NRG3: variants seen among roughly 807,000 people sequenced by gnomAD.
The protein encoded by NRG3 is neuregulin 3.
A neutral mutation model predicts 66.9 loss-of-function variants in NRG3; 31 were observed. The ratio of observed to expected loss-of-function variants is 0.46; its 90% CI spans 0.35 to 0.63. NRG3 has a LOEUF of 0.63. Ranked by LOEUF, NRG3 falls within the 20% of genes least tolerant of loss-of-function variation. NRG3 has a pLI of 0.00. For synonymous variants in NRG3, 393 were observed against 359.4 expected, an observed-to-expected ratio of 1.09 and a Z score of -1.06; for missense variants, 910 against 878.9, an observed-to-expected ratio of 1.04 and a Z score of -0.45.
At chr10:82,971,979 C>T (rs1367387856) in intron 6 of NRG3, among the ~76,000 whole-genome samples, 2 of 152,042 alleles carry the variant, frequency 1.3e-5, no homozygotes, top group African/African-American at 4.8e-5. Flanking sequence ...TTTAAATTAG[C>T]TCTTTCAGAA....
At chr10:82,532,601 A>T (rs1735213549) in intron 2 of NRG3, among the ~76,000 whole-genome samples, 1 of 148,126 alleles carries the variant, frequency 6.8e-6, no homozygotes, top group Non-Finnish European at 1.5e-5. Flanking sequence ...ATATATGTAT[A>T]TATGTATATA....
intron 6 of NRG3, among the ~76,000 whole-genome samples, chr10:82,968,993 G>A (rs142508675): frequency 6.6e-6 from 1 of 152,148 alleles, no homozygotes; most frequent in African/African-American, 2.4e-5. Flanking sequence ...GATCTCATGA[G>A]ACTTATTCAC....
Position 82,533,782 on chromosome 10 carries a change from G to C in NRG3, c.953+174914G>C, listed in dbSNP as rs1185764313. On this transcript the variant is annotated intron_variant, in intron 2 of 8. Coordinates refer to ENST00000372141, the MANE Select transcript of NRG3 (RefSeq NM_001010848.4). ...AAAGAAATGAAAGGCATCCAAACAG[G>C]AAGGGAAGATGTAAAATTGTGCCTG... 2.6e-5 allele frequency among the ~76,000 whole-genome samples: 4 copies of C among 152,238 alleles called. No individual in the cohort carries two copies. The South Asian group carries it at 6.2e-4, about 24-fold the overall frequency.
intron 2 of NRG3, among the ~76,000 whole-genome samples, chr10:82,543,470 T>C (rs936425524): frequency 2.0e-5 from 3 of 152,200 alleles, no homozygotes; most frequent in Non-Finnish European, 4.4e-5. Flanking sequence ...TCTGTCCATG[T>C]ATCTATCCAC....
At chr10:82,917,572 C>T (rs1291647089) in intron 4 of NRG3, among the ~76,000 whole-genome samples, 3 of 152,082 alleles carry the variant, frequency 2.0e-5, no homozygotes. Flanking sequence ...TGGTGCCTGT[C>T]CTTTCCCATT....
At chr10:82,834,620 A>G (rs915329469) in intron 3 of NRG3, among the ~76,000 whole-genome samples, 3 of 152,188 alleles carry the variant, frequency 2.0e-5, no homozygotes, top group African/African-American at 7.2e-5. Flanking sequence ...TCTGTCCTGG[A>G]TGGTCTTTAT....
chr10:82,406,821 G>T (rs147898272), intron 2 of NRG3, among the ~76,000 whole-genome samples: 2 of 151,962 alleles, frequency 1.3e-5, no homozygotes, highest in Non-Finnish European at 2.9e-5. Context: ...GACAGGTACC[G>T]TTTTCCTCTA....
intron 1 of NRG3, among the ~76,000 whole-genome samples, chr10:81,906,038 C>G (rs1246761115): frequency 6.6e-6 from 1 of 152,132 alleles, no homozygotes; most frequent in Non-Finnish European, 1.5e-5. Context: ...TCTAGGTATT[C>G]TTTGTCTTAG....
intron 3 of NRG3, among the ~76,000 whole-genome samples, chr10:82,816,140 G>A (rs561008208): frequency 2.0e-5 from 3 of 152,360 alleles, no homozygotes; most frequent in South Asian, 4.1e-4. Context: ...AACGGCCACA[G>A]CTCTTCTCTC....
rs532275527 is a variant in NRG3, at chr10:82,571,937, A to G, written c.954-166640A>G. Among the ~76,000 whole-genome samples the G allele has an allele frequency of 1.1e-4, 16 of 151,816 alleles. 1 individual carries two copies. In the Middle Eastern group the frequency reaches 0.02, roughly 194 times the overall value. ...AATACCTTTGGGGAGGAGTGCAGTT[A>G]GGAAGTAAGGGAGGTAATAACTCTT... On this transcript the variant is annotated intron_variant, in intron 2 of 8. Coordinates refer to ENST00000372141, the MANE Select transcript of NRG3 (RefSeq NM_001010848.4).
At chr10:82,372,985 T>G (rs928922517) in intron 2 of NRG3, among the ~76,000 whole-genome samples, 4 of 152,226 alleles carry the variant, frequency 2.6e-5, no homozygotes, top group Admixed American at 6.5e-5. Context: ...CGTTGACCAC[T>G]GATCATTGTT....
At chr10:81,988,574 C>G (rs894221427) in intron 1 of NRG3, among the ~76,000 whole-genome samples, 2 of 152,128 alleles carry the variant, frequency 1.3e-5, no homozygotes, top group African/African-American at 4.8e-5. Context: ...ATACATTGAG[C>G]TCAGCTTGTC....
At chr10:81,977,171 C>A (rs752864297) in intron 1 of NRG3, among the ~76,000 whole-genome samples, 7 of 152,102 alleles carry the variant, frequency 4.6e-5, no homozygotes, top group African/African-American at 1.7e-4. Context: ...TGGTGACTTC[C>A]CAGATTGAAT....
intron 1 of NRG3, among the ~76,000 whole-genome samples, chr10:82,165,585 A>G (rs776243093): frequency 6.6e-6 from 1 of 151,876 alleles, no homozygotes; most frequent in Non-Finnish European, 1.5e-5. Context: ...TTTTTTCCTC[A>G]TTGTAAAAAC....
intron 1 of NRG3, among the ~76,000 whole-genome samples, chr10:81,937,762 T>A (rs1044571158): frequency 5.3e-5 from 8 of 152,150 alleles, no homozygotes; most frequent in Admixed American, 2.6e-4. Context: ...TAATCCCATT[T>A]GTCTGTTTTA....
At chr10:82,331,378 T>C (rs2082127079) in intron 1 of NRG3, among the ~76,000 whole-genome samples, 1 of 152,196 alleles carries the variant, frequency 6.6e-6, no homozygotes, top group African/African-American at 2.4e-5. Flanking sequence ...TGATATTTTC[T>C]GGACCACACT....
At chr10:82,657,915 A>AG (rs2052006422) in intron 2 of NRG3, among the ~76,000 whole-genome samples, 1 of 151,682 alleles carries the variant, frequency 6.6e-6, no homozygotes, top group Non-Finnish European at 1.5e-5. Context: ...AAAAAAAAAA[A>AG]AATCCCTCTA....
At chr10:82,512,560 G>A (rs1845287890) in intron 2 of NRG3, among the ~76,000 whole-genome samples, 2 of 152,004 alleles carry the variant, frequency 1.3e-5, no homozygotes, top group South Asian at 4.1e-4. Context: ...GGGCCACCGC[G>A]CCCTGCCATA....
Position 82,392,011 on chromosome 10 carries a change from C to CA in NRG3, c.953+33153dup, listed in dbSNP as rs1187855596. On this transcript the variant is annotated intron_variant, in intron 2 of 8. Coordinates refer to ENST00000372141, the MANE Select transcript of NRG3 (RefSeq NM_001010848.4). ...GCACATGCAAAAAAAAAAAAAAAAA[C>CA]AAAAAAAAAACCCACGAAACTAGGA... Among the ~76,000 whole-genome samples, 104 of 73,180 alleles carry CA rather than the reference C, an allele frequency of 1.4e-3. No homozygotes were observed. In the South Asian group the frequency reaches 0.021, roughly 15 times the overall value. The allele number at this position is 73,180 out of a possible 152,430, so 48.0% of individuals were successfully genotyped here. A position where few individuals can be genotyped will look rare whatever the true frequency, so the allele number is the denominator to read the frequency against.
Sources: gnomAD v4.1 joint callset for allele counts (sites outside exome capture counted in the v4.1 genomes callset) on GRCh38, gnomAD v4.1.1 for gene constraint, MANE v1.5 for transcripts, NCBI Gene and HGNC (gene_info 2026-07-23, HGNC 2026-07-21) for gene names.